Variants in HLA-DRA observed in about 807,000 individuals in gnomAD.
HLA-DRA encodes the protein HLA class II histocompatibility antigen, DR alpha chain.
A neutral mutation model predicts 22.1 loss-of-function variants in HLA-DRA; 8 were observed. That is an observed-to-expected ratio of 0.36 (90% CI 0.21 to 0.65). HLA-DRA has a LOEUF of 0.65. Ranked by LOEUF, HLA-DRA falls within the 30% of genes least tolerant of loss-of-function variation. HLA-DRA has a pLI of 0.63. For missense variants in HLA-DRA, 248 were observed against 321.3 expected, an observed-to-expected ratio of 0.77 and a Z score of 1.74; for synonymous variants, 101 against 117.1, an observed-to-expected ratio of 0.86 and a Z score of 0.89.
intron 1 of HLA-DRA, 57 bp downstream of exon 1, chr6:32,440,089 A>G: frequency 7.3e-7 from 1 of 1,377,162 alleles, no homozygotes; most frequent in Non-Finnish European, 1.0e-6. Flanking sequence ...TGGAGAAAAG[A>G]CCTATGGACA....
chr6:32,443,733 T>C (rs746125136), intron 3 of HLA-DRA, 23 bp from the exon 4 acceptor site: 5 of 1,552,874 alleles, frequency 3.2e-6, no homozygotes, highest in Non-Finnish European at 3.5e-6. Context: ...CATTACCATG[T>C]ACTCTGCCTT....
intron 2 of HLA-DRA, 137 bp from the exon 3 acceptor site, chr6:32,443,048 C>A: frequency 1.3e-6 from 1 of 773,446 alleles, no homozygotes; most frequent in Non-Finnish European, 2.1e-6. Flanking sequence ...ACATAGATTT[C>A]TCAGGGCACA....
chr6:32,440,507 C>A (rs1207921115), intron 1 of HLA-DRA, among the ~76,000 whole-genome samples: 1 of 151,888 alleles, frequency 6.6e-6, no homozygotes, highest in Non-Finnish European at 1.5e-5. Flanking sequence ...TAAATCCTGT[C>A]GGTATATATT....
intron 1 of HLA-DRA, 73 bp from the exon 2 acceptor site, chr6:32,442,375 T>G: frequency 2.6e-6 from 4 of 1,549,690 alleles, no homozygotes; most frequent in Non-Finnish European, 3.5e-6. Flanking sequence ...CCTGCCTACA[T>G]GTATGTAGGT....
intron 1 of HLA-DRA, 81 bp downstream of exon 1, chr6:32,440,113 G>C: frequency 8.4e-7 from 1 of 1,188,682 alleles, no homozygotes; most frequent in Non-Finnish European, 1.3e-6. Context: ...GGAAGATAAT[G>C]TGTGGAGTGA....
intron 1 of HLA-DRA, among the ~76,000 whole-genome samples, chr6:32,440,507 C>T (rs1207921115): frequency 6.6e-6 from 1 of 151,888 alleles, no homozygotes; most frequent in Non-Finnish European, 1.5e-5. Context: ...TAAATCCTGT[C>T]GGTATATATT....
rs921697158 is a variant in HLA-DRA, at chr6:32,442,618, T to C, written c.253T>C (p.Leu85=). ...TGCCAGCTTTGAGGCTCAAGGTGCA[T>C]TGGCCAACATAGCTGTGGACAAAGC... is the stretch of plus-strand genomic sequence containing the variant. ...RFASFEAQGA[L]ANIAVDKANL... Residue 85 remains leucine, a synonymous_variant, in exon 2 of 5, where the codon TTG becomes CTG. Transcript: ENST00000395388. The C allele has an allele frequency of 1.1e-5, 17 of 1,612,936 alleles. No individual in the cohort carries two copies. Among genetic ancestry groups the C allele is most frequent in the Admixed American group, 6.7e-5 (4 of 59,994 alleles).
Position 32,443,248 on chromosome 6 carries a change from T to C in HLA-DRA, c.392T>C (p.Ile131Thr). 1 of 1,612,962 alleles carries C rather than the reference T, an allele frequency of 6.2e-7. No homozygotes were observed. Among genetic ancestry groups the C allele is most frequent in the Non-Finnish European group, 8.5e-7 (1 of 1,179,948 alleles). The change falls in exon 3 of 5, where the codon ATC (isoleucine) becomes ACC (threonine). Residue 131 changes from isoleucine (I) to threonine (T), a missense_variant. Ile to Thr is a moderately conservative substitution (Grantham distance 89, BLOSUM62 -1). Coordinates refer to ENST00000395388, the MANE Select transcript of HLA-DRA (RefSeq NM_019111.5). ...PVELREPNVL[I>T]CFIDKFTPPV... Reference sequence around the variant, plus strand: ...GAACTGAGAGAGCCCAACGTCCTCATCTGTTTCATAGACAAGTTCACCCCA... The same window carrying C: ...GAACTGAGAGAGCCCAACGTCCTCACCTGTTTCATAGACAAGTTCACCCCA...
chr6:32,440,174 T>G, intron 1 of HLA-DRA, 142 bp downstream of exon 1: 1 of 802,796 alleles, frequency 1.2e-6, no homozygotes, highest in South Asian at 1.5e-5. Context: ...TATAACAAAT[T>G]GTGGTTTGGT....
At chr6:32,444,277 G>A (rs1219813653) in intron 4 of HLA-DRA, among the ~76,000 whole-genome samples, 1 of 152,010 alleles carries the variant, frequency 6.6e-6, no homozygotes, top group Non-Finnish European at 1.5e-5. Context: ...AGAAAAATAA[G>A]CCTCAAGATT....
chr6:32,443,186 A>G lies in HLA-DRA; in HGVS notation c.330A>G (p.Val110=). 1 of 1,611,260 alleles carries G rather than the reference A, an allele frequency of 6.2e-7. No homozygotes were observed. The highest frequency in any genetic ancestry group is 8.5e-7 in the Non-Finnish European group (1 of 1,178,516). Residue 110 remains valine (V), a splice_region_variant and synonymous_variant, in exon 3 of 5, where the codon GTA becomes GTG. Transcript: ENST00000395388. ...TCATGTCTGTCATGTGTCCCCCAGT[A>G]CCTCCAGAGGTAACTGTGCTCACAA... is the stretch of plus-strand genomic sequence containing the variant. ...KRSNYTPITN[V]PPEVTVLTNS... is the part of the protein sequence containing the mutation.
Position 32,442,691 on chromosome 6 carries a change from A to G in HLA-DRA, c.326A>G (p.Asn109Ser). 2.5e-6 allele frequency: 4 copies of G among 1,612,938 alleles called. No individual in the cohort carries two copies. Among genetic ancestry groups the G allele is most frequent in the Non-Finnish European group, 3.4e-6 (4 of 1,179,938 alleles). ...CGCTCCAACTATACTCCGATCACCA[A>G]TGGTACCTCCCTCTCTGCTGCACTC... Reference protein sequence around the residue: ...TKRSNYTPITNVPPEVTVLTN... With the variant: ...TKRSNYTPITSVPPEVTVLTN... The change falls in exon 2 of 5, where the codon AAT becomes AGT. Residue 109 changes from asparagine to serine, a missense_variant and splice_region_variant. Transcript: ENST00000395388.
At chr6:32,443,112 G>C in intron 2 of HLA-DRA, 73 bp from the exon 3 acceptor site, 1 of 1,340,580 alleles carries the variant, frequency 7.5e-7, no homozygotes, top group Non-Finnish European at 1.1e-6. Flanking sequence ...TACCACAATT[G>C]AGCATGGGAG....
chr6:32,442,060 C>T (rs1762651170), intron 1 of HLA-DRA, among the ~76,000 whole-genome samples: 1 of 152,134 alleles, frequency 6.6e-6, no homozygotes, highest in Admixed American at 6.5e-5. Flanking sequence ...GGAATTCTGG[C>T]CTAAGTGTAT....
chr6:32,444,303 T>A (rs1762799108), intron 4 of HLA-DRA, among the ~76,000 whole-genome samples: 1 of 152,154 alleles, frequency 6.6e-6, no homozygotes, highest in Admixed American at 6.5e-5. Flanking sequence ...ACATCCTAGC[T>A]TGTATTTCCT....
intron 1 of HLA-DRA, 32 bp downstream of exon 1, chr6:32,440,064 T>C (rs767906653): frequency 3.2e-6 from 5 of 1,560,254 alleles, no homozygotes; most frequent in East Asian, 2.2e-5. Context: ...TCTGGGACGA[T>C]AGACTACGAA....
chr6:32,443,833 G>A lies in HLA-DRA; in HGVS notation c.688G>A (p.Gly230Ser). 1 of 1,612,216 alleles carries A rather than the reference G, an allele frequency of 6.2e-7. No individual in the cohort carries two copies. Residue 230 changes from glycine to serine, a missense_variant, in exon 4 of 5, where the codon GGC (glycine) becomes AGC (serine). Coordinates refer to ENST00000395388, the MANE Select transcript of HLA-DRA (RefSeq NM_019111.5). ...CCTGGGCCTGACTGTGGGTCTGGTG[G>A]GCATCATTATTGGGACCATCTTCAT... ...CALGLTVGLV[G>S]IIIGTIFIIK...
intron 1 of HLA-DRA, among the ~76,000 whole-genome samples, chr6:32,441,155 G>A (rs28732215): frequency 0.024 from 3,712 of 152,234 alleles, 68 homozygotes; most frequent in South Asian, 0.057. Context: ...TCAAGAGATC[G>A]AGACCGTCCT....
intron 4 of HLA-DRA, among the ~76,000 whole-genome samples, chr6:32,444,340 T>C (rs1347485502): frequency 1.3e-5 from 2 of 152,172 alleles, no homozygotes; most frequent in Non-Finnish European, 2.9e-5. Context: ...TCAGAAGCAT[T>C]TCCAGATCCT....
Sources: allele counts gnomAD v4.1 joint callset (sites outside exome capture counted in the v4.1 genomes callset), GRCh38; gene constraint gnomAD v4.1.1; transcripts MANE v1.5; gene names NCBI Gene and HGNC (gene_info 2026-07-23, HGNC 2026-07-21).